The following LUZP2 variants were observed in gnomAD, a reference collection of about 807,000 sequenced individuals.
The protein encoded by LUZP2 is leucine zipper protein 2.
LUZP2 carries 52 observed loss-of-function variants against 51.6 expected under a neutral mutation model. The observed-to-expected ratio is 1.01, with a 90% CI of 0.81 to 1.27. The LOEUF is 1.27. Among genes scored for constraint, LUZP2 ranks in the 50% most tolerant of loss-of-function variants. LUZP2 has a pLI of 0.00. For synonymous variants in LUZP2, 154 were observed against 137.3 expected, an observed-to-expected ratio of 1.12 and a Z score of -0.85; for missense variants, 436 against 395.4, an observed-to-expected ratio of 1.10 and a Z score of -0.87.
intron 9 of LUZP2, among the ~76,000 whole-genome samples, chr11:25,027,976 A>G (rs1429020771): frequency 6.6e-6 from 1 of 152,102 alleles, no homozygotes; most frequent in Non-Finnish European, 1.5e-5. Context: ...ATCAACTAGT[A>G]TTTGATATAA....
At chr11:24,620,399 C>T (rs948817378) in intron 1 of LUZP2, among the ~76,000 whole-genome samples, 1 of 152,070 alleles carries the variant, frequency 6.6e-6, no homozygotes, top group South Asian at 2.1e-4. Context: ...TATCTTTCTA[C>T]TTCTGACTTT....
At chr11:24,630,754 T>C (rs1854858493) in intron 1 of LUZP2, among the ~76,000 whole-genome samples, 1 of 151,528 alleles carries the variant, frequency 6.6e-6, no homozygotes. Context: ...GTTATATTGA[T>C]AGAGTTTGCA....
chr11:24,714,069 A>T (rs1375664380), intron 1 of LUZP2, among the ~76,000 whole-genome samples: 1 of 152,008 alleles, frequency 6.6e-6, no homozygotes, highest in Non-Finnish European at 1.5e-5. Flanking sequence ...TACAGTATAA[A>T]AACTACTTAC....
At position 24,542,170 on chromosome 11, in the gene LUZP2, AGT is replaced by A. The variant is rs373414832; in HGVS notation, c.62+44867_62+44868del. ...ATAAATTAAAATTAATAAGTGAAAG[AGT>A]GAGGACAGAGAAAATTAAAGATGAG... On this transcript the variant is annotated intron_variant, in intron 1 of 11. Coordinates refer to ENST00000336930, the MANE Select transcript of LUZP2 (RefSeq NM_001009909.4). Among the ~76,000 whole-genome samples, 419 of 152,236 alleles carry A rather than the reference AGT, an allele frequency of 2.8e-3. 2 individuals are homozygous for A. Among genetic ancestry groups the A allele is most frequent in the African/African-American group, 9.7e-3 (404 of 41,562 alleles).
chr11:24,605,258 A>G (rs1853877092), intron 1 of LUZP2, among the ~76,000 whole-genome samples: 1 of 151,820 alleles, frequency 6.6e-6, no homozygotes, highest in Non-Finnish European at 1.5e-5. Context: ...CATTTTACAT[A>G]AAGAGCTCCT....
At chr11:24,652,352 A>G (rs1193597968) in intron 1 of LUZP2, among the ~76,000 whole-genome samples, 1 of 152,096 alleles carries the variant, frequency 6.6e-6, no homozygotes, top group Non-Finnish European at 1.5e-5. Flanking sequence ...ATACTTATCA[A>G]TTTTAACAAA....
At chr11:24,980,710 C>A (rs994604584) in intron 8 of LUZP2, among the ~76,000 whole-genome samples, 2 of 151,654 alleles carry the variant, frequency 1.3e-5, no homozygotes, top group African/African-American at 4.8e-5. Context: ...AGGAAAGAAC[C>A]ATTCCTGGAA....
intron 1 of LUZP2, among the ~76,000 whole-genome samples, chr11:24,687,650 C>T (rs1241461982): frequency 6.6e-6 from 1 of 152,134 alleles, no homozygotes; most frequent in Non-Finnish European, 1.5e-5. Context: ...ACTTGGCACC[C>T]CTACTTGGAG....
intron 7 of LUZP2, among the ~76,000 whole-genome samples, chr11:24,915,929 T>G (rs1230798042): frequency 1.3e-5 from 2 of 152,176 alleles, no homozygotes; most frequent in Admixed American, 1.3e-4. Flanking sequence ...GAGTAGTAGA[T>G]TCTATTTCAC....
intron 1 of LUZP2, among the ~76,000 whole-genome samples, chr11:24,527,431 C>T (rs532211600): frequency 4.1e-5 from 6 of 145,580 alleles, no homozygotes; most frequent in Admixed American, 6.9e-5. Context: ...TAAAGACATA[C>T]AATCACTTTC....
intron 5 of LUZP2, among the ~76,000 whole-genome samples, chr11:24,881,907 T>A (rs1041657978): frequency 2.6e-5 from 3 of 114,020 alleles, no homozygotes; most frequent in Non-Finnish European, 4.0e-5. Context: ...AACCTATTTA[T>A]TTAATGTGTT....
chr11:24,498,239 C>T (rs1049286739), intron 1 of LUZP2, among the ~76,000 whole-genome samples: 1 of 152,174 alleles, frequency 6.6e-6, no homozygotes, highest in Non-Finnish European at 1.5e-5. Flanking sequence ...AAATAACCCA[C>T]ACAGGATGAA....
At chr11:25,065,619 A>T (rs1858977267) in intron 10 of LUZP2, among the ~76,000 whole-genome samples, 1 of 152,046 alleles carries the variant, frequency 6.6e-6, no homozygotes, top group African/African-American at 2.4e-5. Flanking sequence ...GAAATCTCTT[A>T]TGTGAACAGC....
intron 9 of LUZP2, among the ~76,000 whole-genome samples, chr11:24,993,568 A>G (rs1489324710): frequency 6.6e-6 from 1 of 152,114 alleles, no homozygotes; most frequent in African/African-American, 2.4e-5. Flanking sequence ...GAAATATTAT[A>G]TATTCTTAAT....
chr11:24,804,327 G>A (rs1010990112), intron 5 of LUZP2, among the ~76,000 whole-genome samples: 3 of 152,114 alleles, frequency 2.0e-5, no homozygotes, highest in Admixed American at 2.0e-4. Context: ...GAATGTTATA[G>A]AAATTTTAGG....
intron 10 of LUZP2, among the ~76,000 whole-genome samples, chr11:25,055,588 T>C (rs927546878): frequency 2.0e-5 from 3 of 152,118 alleles, no homozygotes; most frequent in Non-Finnish European, 4.4e-5. Context: ...AGTTGCAGTG[T>C]TGATTTTAAG....
At chr11:24,681,096 C>T (rs1203248689) in intron 1 of LUZP2, among the ~76,000 whole-genome samples, 1 of 152,056 alleles carries the variant, frequency 6.6e-6, no homozygotes, top group Non-Finnish European at 1.5e-5. Flanking sequence ...ATTCTCCTGC[C>T]TCAGCCTCCC....
intron 9 of LUZP2, among the ~76,000 whole-genome samples, chr11:25,041,528 A>T (rs1858059342): frequency 6.6e-6 from 1 of 152,184 alleles, no homozygotes; most frequent in Admixed American, 6.5e-5. Context: ...CTGTTTTAAG[A>T]CAATTAAATA....
chr11:24,915,377 C>T (rs1035929915), intron 7 of LUZP2, among the ~76,000 whole-genome samples: 2 of 151,952 alleles, frequency 1.3e-5, no homozygotes, highest in African/African-American at 4.8e-5. Flanking sequence ...TCATGATGGT[C>T]GCTAAAGATA....
Sources: allele counts gnomAD v4.1 joint callset (sites outside exome capture counted in the v4.1 genomes callset), GRCh38; gene constraint gnomAD v4.1.1; transcripts MANE v1.5; gene names NCBI Gene and HGNC (gene_info 2026-07-23, HGNC 2026-07-21).